The following CRACD variants were observed in gnomAD, a reference collection of about 807,000 sequenced individuals.
The protein encoded by CRACD is capping protein-inhibiting regulator of actin dynamics.
CRACD carries 56 observed loss-of-function variants against 106.8 expected under a neutral mutation model. The observed-to-expected ratio is 0.52, with a 90% CI of 0.42 to 0.66. The LOEUF (loss-of-function observed/expected upper bound fraction) is 0.66, where lower values mean the gene tolerates loss of function less well. Among genes scored for constraint, CRACD ranks in the 30% least tolerant of loss-of-function variants. The pLI, the probability that CRACD is intolerant of heterozygous loss-of-function variation, is 0.00. For synonymous variants in CRACD, 754 were observed against 670.8 expected (o/e 1.12, Z -1.92); for missense variants, 1,730 against 1,623.2 (o/e 1.07, Z -1.13).
rs771851887 is a variant in CRACD, at chr4:56,314,760, A to G, written c.1258A>G (p.Ser420Gly). 6.3e-7 allele frequency: 1 copy of G among 1,590,510 alleles called. No individual in the cohort carries two copies. The highest frequency in any genetic ancestry group is 8.5e-7 in the Non-Finnish European group (1 of 1,169,770). The change falls in exon 8 of 11, where the codon AGT becomes GGT. Residue 420 changes from serine (S) to glycine (G), a missense_variant. Ser to Gly is a moderately conservative substitution (Grantham distance 56). Around this residue, in one of 5 missense-constraint regions of CRACD, gnomAD observed 1,620 missense variants for 1,481.6 expected, o/e 1.09. Coordinates refer to ENST00000682029, the MANE Select transcript of CRACD (RefSeq NM_001393381.1). This position sits in a 1 kb window ranked among gnomAD's most constrained non-coding sequence, Gnocchi z 4.4. ...AHLEDWRGQL[S>G]ELLNDFEERL... The stretch of plus-strand genomic sequence containing the variant: ...CCTGGAGGACTGGAGGGGGCAGCTC[A>G]GTGAGCTTCTGAACGACTTTGAGGA...
intron 1 of CRACD, among the ~76,000 whole-genome samples, chr4:56,141,022 G>C (rs535617582): frequency 5.3e-5 from 8 of 152,162 alleles, no homozygotes; most frequent in Non-Finnish European, 1.2e-4. Flanking sequence ...TGGAGGCCCA[G>C]AATAACTTCT....
chr4:56,195,074 T>C (rs981568342), intron 2 of CRACD, among the ~76,000 whole-genome samples: 2 of 152,236 alleles, frequency 1.3e-5, no homozygotes, highest in African/African-American at 2.4e-5. Context: ...CTACTTGAGG[T>C]TCTTCATGGA....
chr4:56,052,793 T>G (rs1184700262), intron 1 of CRACD, among the ~76,000 whole-genome samples: 1 of 152,176 alleles, frequency 6.6e-6, no homozygotes, highest in African/African-American at 2.4e-5. Context: ...AAAGCCTGTC[T>G]GCCCTCTTAA....
At chr4:56,180,269 A>G (rs1736758916) in intron 2 of CRACD, among the ~76,000 whole-genome samples, 5 of 152,020 alleles carry the variant, frequency 3.3e-5, no homozygotes, top group Admixed American at 1.3e-4. Flanking sequence ...AGGTGGGCGA[A>G]TCACAAGGTC....
At chr4:56,097,536 T>C (rs1027863322) in intron 1 of CRACD, 1 of 152,614 alleles carries the variant, frequency 6.6e-6, no homozygotes, top group African/African-American at 2.4e-5. Flanking sequence ...AAAGCACTTG[T>C]ACAGTTGTGG....
intron 1 of CRACD, among the ~76,000 whole-genome samples, chr4:56,094,577 C>G (rs1220295707): frequency 2.6e-5 from 4 of 152,020 alleles, no homozygotes; most frequent in African/African-American, 9.7e-5. Context: ...CTTTAGCCTC[C>G]CGAGTAGCTG....
intron 1 of CRACD, among the ~76,000 whole-genome samples, chr4:56,123,932 C>A (rs984500199): frequency 1.5e-5 from 2 of 137,700 alleles, no homozygotes; most frequent in African/African-American, 5.7e-5. Flanking sequence ...AATAGGGCTT[C>A]CTTATTTTAA....
At chr4:56,087,870 T>C (rs1388157188) in intron 1 of CRACD, among the ~76,000 whole-genome samples, 1 of 152,130 alleles carries the variant, frequency 6.6e-6, no homozygotes, top group African/African-American at 2.4e-5. Flanking sequence ...CTCTTTCTTC[T>C]CCTCCTGTAT....
At chr4:56,214,360 C>G (rs1027887257) in intron 2 of CRACD, among the ~76,000 whole-genome samples, 16 of 152,048 alleles carry the variant, frequency 1.1e-4, no homozygotes, top group Admixed American at 3.3e-4. Context: ...TTTGGGAGGC[C>G]AAGGTGGGCA....
At chr4:56,240,054 C>T (rs1215732735) in intron 2 of CRACD, among the ~76,000 whole-genome samples, 4 of 151,592 alleles carry the variant, frequency 2.6e-5, no homozygotes, top group African/African-American at 7.3e-5. Context: ...TTTTTTTATT[C>T]GTCCATCTCA....
In CRACD at chr4:56,272,324, A is replaced by G. The variant is rs1742404217; in HGVS notation, c.-185A>G. 6.5e-6 allele frequency: 1 copy of G among 153,306 alleles called. No individual in the cohort carries two copies. Among genetic ancestry groups the G allele is most frequent in the South Asian group, 2.1e-4 (1 of 4,836 alleles). The allele number at this position is 153,306 out of a possible 1,614,324, so 9.5% of individuals were successfully genotyped here. A position where few individuals can be genotyped will look rare whatever the true frequency, so the allele number is the denominator to read the frequency against. On this transcript the variant is annotated 5_prime_UTR_variant, in exon 3 of 11. Transcript: ENST00000682029. ...GTGTTTGTTTTACAATCCACAGACAAGAAGAAGGGAGGCAAATTCCAGCCT... is the reference window on the plus strand; with the variant it reads ...GTGTTTGTTTTACAATCCACAGACAGGAAGAAGGGAGGCAAATTCCAGCCT...
chr4:56,288,736 C>G (rs1016548974), intron 3 of CRACD, among the ~76,000 whole-genome samples: 2 of 150,580 alleles, frequency 1.3e-5, no homozygotes, highest in South Asian at 2.1e-4. Context: ...GGACTTACGG[C>G]ACACCTATTT....
intron 8 of CRACD, among the ~76,000 whole-genome samples, chr4:56,317,340 C>G (rs1039904078): frequency 6.6e-6 from 1 of 152,188 alleles, no homozygotes; most frequent in East Asian, 1.9e-4. Context: ...GACACTCACT[C>G]GTGATTCATA....
At chr4:56,175,513 T>A (rs1428099523) in intron 1 of CRACD, among the ~76,000 whole-genome samples, 1 of 152,216 alleles carries the variant, frequency 6.6e-6, no homozygotes, top group African/African-American at 2.4e-5. Context: ...TAAAATTTTT[T>A]AAATTTTTGT....
At chr4:56,069,634 A>G (rs1732571111) in intron 1 of CRACD, among the ~76,000 whole-genome samples, 1 of 152,160 alleles carries the variant, frequency 6.6e-6, no homozygotes, top group Non-Finnish European at 1.5e-5. Flanking sequence ...TTTGTTCTAA[A>G]CTAGCCTCAG....
chr4:56,245,108 A>T (rs1417394568), intron 2 of CRACD, among the ~76,000 whole-genome samples: 1 of 152,224 alleles, frequency 6.6e-6, no homozygotes, highest in African/African-American at 2.4e-5. Context: ...CTTCATCTAG[A>T]AATGTTAATT....
At chr4:56,250,184 T>C (rs7690071) in intron 2 of CRACD, among the ~76,000 whole-genome samples, 43,860 of 152,012 alleles carry the variant, frequency 0.29, 6,918 homozygotes, top group East Asian at 0.63. Flanking sequence ...CCTTCTTTTC[T>C]TGTTCCTAAT....
At chr4:56,249,071 G>A (rs943555868) in intron 2 of CRACD, among the ~76,000 whole-genome samples, 5 of 121,400 alleles carry the variant, frequency 4.1e-5, no homozygotes, top group African/African-American at 1.6e-4. Flanking sequence ...ATGATTTATA[G>A]TCCTTTGGGT....
chr4:56,080,613 G>A (rs1460729855), intron 1 of CRACD, among the ~76,000 whole-genome samples: 1 of 152,234 alleles, frequency 6.6e-6, no homozygotes, highest in Non-Finnish European at 1.5e-5. Context: ...AAACTGAAGA[G>A]TGGCTCCCAC....
Sources: allele counts gnomAD v4.1 joint callset (sites outside exome capture counted in the v4.1 genomes callset), GRCh38; gene constraint gnomAD v4.1.1; regional missense constraint gnomAD v4.1.1; non-coding constraint Gnocchi (gnomAD v3.1); transcripts MANE v1.5; gene names NCBI Gene and HGNC (gene_info 2026-07-23, HGNC 2026-07-21).